CNTNAP2: variants seen among roughly 807,000 people sequenced by gnomAD.
CNTNAP2 encodes contactin-associated protein-like 2.
CNTNAP2 carries 98 observed loss-of-function variants against 155.2 expected under a neutral mutation model. That is an observed-to-expected ratio of 0.63 (90% CI 0.54 to 0.75). CNTNAP2 has a LOEUF of 0.75. Ranked by LOEUF, CNTNAP2 falls within the 30% of genes least tolerant of loss-of-function variation. CNTNAP2 has a pLI of 0.00. For missense variants in CNTNAP2, 1,727 were observed against 1,688.1 expected (o/e 1.02, Z -0.40); for synonymous variants, 651 against 631.2 (o/e 1.03, Z -0.47).
chr7:146,622,840 C>T (rs1799351556), intron 1 of CNTNAP2, among the ~76,000 whole-genome samples: 1 of 151,736 alleles, frequency 6.6e-6, no homozygotes, highest in African/African-American at 2.4e-5. Flanking sequence ...ACCTGTAGTC[C>T]CAGCTACTCA....
intron 1 of CNTNAP2, among the ~76,000 whole-genome samples, chr7:146,745,821 G>A (rs972834032): frequency 6.6e-6 from 1 of 151,560 alleles, no homozygotes; most frequent in Non-Finnish European, 1.5e-5. Context: ...GGTAGATAAG[G>A]TTTCCCTTCA....
At chr7:146,663,432 A>C (rs1344590596) in intron 1 of CNTNAP2, among the ~76,000 whole-genome samples, 3 of 151,528 alleles carry the variant, frequency 2.0e-5, no homozygotes, top group African/African-American at 7.3e-5. Flanking sequence ...GAATAGCTGG[A>C]TCATATTTGA....
At chr7:146,481,807 AGTG>A (rs1356201684) in intron 1 of CNTNAP2, among the ~76,000 whole-genome samples, 1 of 152,162 alleles carries the variant, frequency 6.6e-6, no homozygotes, top group African/African-American at 2.4e-5. Context: ...AAAAAGTAGA[AGTG>A]GTGTTGAGGG....
At chr7:148,094,277 T>C (rs1357107208) in intron 15 of CNTNAP2, among the ~76,000 whole-genome samples, 1 of 152,236 alleles carries the variant, frequency 6.6e-6, no homozygotes, top group African/African-American at 2.4e-5. Context: ...GAATAATGCA[T>C]AGTAAGTGCA....
chr7:146,602,987 GT>G (rs912827405), intron 1 of CNTNAP2, among the ~76,000 whole-genome samples: 2 of 148,364 alleles, frequency 1.3e-5, no homozygotes, highest in African/African-American at 4.9e-5. Flanking sequence ...CATTAGAAGT[GT>G]GGCAAGATAC....
intron 1 of CNTNAP2, among the ~76,000 whole-genome samples, chr7:146,502,706 G>T (rs1797323558): frequency 6.6e-6 from 1 of 152,062 alleles, no homozygotes; most frequent in South Asian, 2.1e-4. Context: ...CTCCCTCCCA[G>T]GTTCAAGCAA....
chr7:147,271,734 G>A (rs1056685520), intron 8 of CNTNAP2, among the ~76,000 whole-genome samples: 5 of 152,072 alleles, frequency 3.3e-5, no homozygotes, highest in African/African-American at 1.2e-4. Context: ...CACAAGAACA[G>A]TATAGGGGAA....
At chr7:147,166,823 A>G (rs367998527) in intron 8 of CNTNAP2, among the ~76,000 whole-genome samples, 6 of 152,114 alleles carry the variant, frequency 3.9e-5, no homozygotes, top group African/African-American at 1.2e-4. Context: ...TCACAAGACA[A>G]TGTCATCAAT....
intron 10 of CNTNAP2, among the ~76,000 whole-genome samples, chr7:147,439,288 T>G (rs1486673030): frequency 6.6e-6 from 1 of 152,038 alleles, no homozygotes; most frequent in Non-Finnish European, 1.5e-5. Context: ...ATGTTGTGTT[T>G]CCATCATCAT....
chr7:147,184,075 A>G (rs1802518139), intron 8 of CNTNAP2, among the ~76,000 whole-genome samples: 1 of 152,238 alleles, frequency 6.6e-6, no homozygotes, highest in Non-Finnish European at 1.5e-5. Flanking sequence ...ATTAGAAGAA[A>G]GAGTGACTAT....
chr7:147,309,956 T>G (rs1482645049), intron 9 of CNTNAP2, among the ~76,000 whole-genome samples: 1 of 152,074 alleles, frequency 6.6e-6, no homozygotes, highest in African/African-American at 2.4e-5. Context: ...CCCAAAGAAC[T>G]TTCAGGCTTT....
intron 20 of CNTNAP2, among the ~76,000 whole-genome samples, chr7:148,237,715 T>A (rs1470694468): frequency 6.6e-6 from 1 of 152,180 alleles, no homozygotes; most frequent in African/African-American, 2.4e-5. Context: ...GTGTCAAAAA[T>A]TGTTGGAAGA....
intron 1 of CNTNAP2, among the ~76,000 whole-genome samples, chr7:146,519,833 A>T: frequency 6.6e-6 from 1 of 151,898 alleles, no homozygotes; most frequent in East Asian, 1.9e-4. Context: ...AGTAATCATG[A>T]AACCCCATGA....
In CNTNAP2 at chr7:147,556,033, A is replaced by G. The variant is rs118056646; in HGVS notation, c.1778-6105A>G. Among the ~76,000 whole-genome samples, 277 of 152,332 alleles carry G rather than the reference A, an allele frequency of 1.8e-3. 7 individuals carry two copies. In the East Asian group the frequency reaches 0.044, roughly 24 times the overall value. On this transcript the variant is annotated intron_variant, in intron 11 of 23. Transcript: ENST00000361727. The stretch of plus-strand genomic sequence containing the variant: ...TGTATAGGCCTGCGGCCACGTCTGC[A>G]TGTAAGCAGAGAGCAGAATTTCTGC...
chr7:146,388,397 T>A (rs1017955953), intron 1 of CNTNAP2, among the ~76,000 whole-genome samples: 7 of 152,156 alleles, frequency 4.6e-5, no homozygotes, highest in Admixed American at 2.0e-4. Flanking sequence ...ACTGTGCCAC[T>A]GTACTCCAGC....
chr7:147,351,390 A>G (rs576794632), intron 9 of CNTNAP2, among the ~76,000 whole-genome samples: 2 of 151,910 alleles, frequency 1.3e-5, no homozygotes, highest in South Asian at 4.1e-4. Flanking sequence ...CGCATAGTTT[A>G]TAAAAAAAAT....
At chr7:147,850,301 T>C (rs1039132165) in intron 13 of CNTNAP2, among the ~76,000 whole-genome samples, 1 of 152,224 alleles carries the variant, frequency 6.6e-6, no homozygotes, top group Non-Finnish European at 1.5e-5. Flanking sequence ...TCCATGCTCA[T>C]GGATAGGAAG....
At chr7:146,218,373 G>A (rs1452888977) in intron 1 of CNTNAP2, among the ~76,000 whole-genome samples, 5 of 152,106 alleles carry the variant, frequency 3.3e-5, no homozygotes, top group Non-Finnish European at 5.9e-5. Flanking sequence ...GCCGGGCGTG[G>A]TGGCGGGCGC....
At chr7:147,910,303 A>G (rs1309323843) in intron 14 of CNTNAP2, among the ~76,000 whole-genome samples, 2 of 152,184 alleles carry the variant, frequency 1.3e-5, no homozygotes, top group African/African-American at 2.4e-5. Context: ...TAGTAGTTAC[A>G]TGTCAGCCAC....
Sources: allele counts gnomAD v4.1 joint callset (sites outside exome capture counted in the v4.1 genomes callset), GRCh38; gene constraint gnomAD v4.1.1; transcripts MANE v1.5; gene names NCBI Gene and HGNC (gene_info 2026-07-23, HGNC 2026-07-21).